THOC7: variants seen among roughly 807,000 people sequenced by gnomAD.
THOC7 encodes the protein THO complex subunit 7, also known as NIF3L1-binding protein 1.
THOC7 carries 22 observed loss-of-function variants against 33.1 expected under a neutral mutation model. That is an observed-to-expected ratio of 0.66 (90% CI 0.47 to 0.95). The LOEUF is 0.95. THOC7 is among the 40% of genes least tolerant of loss of function. The pLI is 0.00. For synonymous variants in THOC7, 77 were observed against 76.8 expected (o/e 1.00, Z -0.01); for missense variants, 184 against 245.3 (o/e 0.75, Z 1.67).
chr3:63,858,225 C>T (rs1702147420), intron 1 of THOC7, among the ~76,000 whole-genome samples: 1 of 152,136 alleles, frequency 6.6e-6, no homozygotes, highest in Non-Finnish European at 1.5e-5. Context: ...CTTCAAAGTG[C>T]TTTACATATA....
chr3:63,851,341 C>A (rs1702017626), intron 1 of THOC7, among the ~76,000 whole-genome samples: 1 of 152,316 alleles, frequency 6.6e-6, no homozygotes, highest in East Asian at 1.9e-4. Flanking sequence ...GTTTTGGTTA[C>A]ACTCTCACCT....
At chr3:63,835,293 G>A in intron 6 of THOC7, 31 bp downstream of exon 6, 13 of 1,612,808 alleles carry the variant, frequency 8.1e-6, no homozygotes, top group Non-Finnish European at 1.1e-5. Context: ...CAGATAGACA[G>A]ATCATGAAGG....
intron 1 of THOC7, among the ~76,000 whole-genome samples, chr3:63,849,084 T>C (rs536311514): frequency 1.3e-5 from 2 of 152,262 alleles, no homozygotes; most frequent in South Asian, 2.1e-4. Flanking sequence ...TATTTGAAAA[T>C]GTTCTTAGAA....
At chr3:63,850,270 G>C (rs912979672) in intron 1 of THOC7, among the ~76,000 whole-genome samples, 2 of 151,506 alleles carry the variant, frequency 1.3e-5, no homozygotes, top group African/African-American at 4.9e-5. Context: ...GTGTGATCTC[G>C]GCTCACTGCA....
chr3:63,845,097 C>T (rs1173790715), intron 1 of THOC7: 1 of 692,966 alleles, frequency 1.4e-6, no homozygotes, highest in South Asian at 1.5e-5. Flanking sequence ...TGCTAACCTT[C>T]TTTTCTGGGG....
chr3:63,835,002 A>G, intron 7 of THOC7, 152 bp downstream of exon 7: 1 of 668,726 alleles, frequency 1.5e-6, no homozygotes, highest in South Asian at 2.6e-5. Flanking sequence ...TATTCAAGAA[A>G]GTTGAACATG....
intron 1 of THOC7, among the ~76,000 whole-genome samples, chr3:63,841,262 T>C (rs1283006338): frequency 6.6e-6 from 1 of 152,224 alleles, no homozygotes; most frequent in East Asian, 1.9e-4. Flanking sequence ...AGACTATCCT[T>C]GGACAGATCC....
At chr3:63,837,047 G>GA (rs552047074) in intron 4 of THOC7, among the ~76,000 whole-genome samples, 53 of 145,516 alleles carry the variant, frequency 3.6e-4, no homozygotes, top group South Asian at 1.1e-3. Flanking sequence ...ATTTTAAACT[G>GA]AAAAAAAAAA....
At chr3:63,863,944 C>A, upstream of THOC7, 1 of 139,968 alleles carries the variant, frequency 7.1e-6, no homozygotes, top group Non-Finnish European at 1.3e-5. Flanking sequence ...CTGAGCCGCG[C>A]CGCGCCGCGC....
chr3:63,852,788 A>C (rs962331993), intron 1 of THOC7, among the ~76,000 whole-genome samples: 3 of 152,230 alleles, frequency 2.0e-5, no homozygotes, highest in African/African-American at 7.2e-5. Context: ...CAGGGAGGCT[A>C]GTTAGGAGGC....
rs1413826790 is a variant in THOC7 at position 63,839,636 on chromosome 3, C to A, written c.137+20G>T. On this transcript the variant is annotated intron_variant, in intron 2 of 7. Transcript: ENST00000295899. ...TCACATTAGGACACTGGTATGGAAACAACAGTGAAAATGAAATACCCCTCT... is the reference window on the plus strand; with the variant it reads ...TCACATTAGGACACTGGTATGGAAAAAACAGTGAAAATGAAATACCCCTCT... The A allele has an allele frequency of 1.3e-6, 2 of 1,594,464 alleles. No individual in the cohort carries two copies. Among genetic ancestry groups the A allele is most frequent in the Non-Finnish European group, 1.7e-6 (2 of 1,164,020 alleles).
rs1326958066 is a variant in THOC7, at chr3:63,834,030, A to G, written c.*102T>C. 1 of 1,140,024 alleles carries G rather than the reference A, an allele frequency of 8.8e-7. No individual in the cohort carries two copies. The highest frequency in any genetic ancestry group is 2.5e-5 in the East Asian group (1 of 39,906). The allele number at this position is 1,140,024 out of a possible 1,614,324, so 70.6% of individuals were successfully genotyped here. On this transcript the variant is annotated 3_prime_UTR_variant, in exon 8 of 8. Transcript: ENST00000295899. The stretch of plus-strand genomic sequence containing the variant: ...TTCATACTTAAAAACAGAGTATTTT[A>G]CTGCCAAAACTTTAAATATCTCAAG...
intron 4 of THOC7, among the ~76,000 whole-genome samples, chr3:63,836,858 C>T (rs182819723): frequency 6.6e-6 from 1 of 151,834 alleles, no homozygotes; most frequent in Non-Finnish European, 1.5e-5. Context: ...TCCACTGAGA[C>T]CTCCAAGATA....
chr3:63,863,510 G>C (rs1200463590), intron 1 of THOC7: 2 of 1,186,628 alleles, frequency 1.7e-6, no homozygotes, highest in African/African-American at 3.2e-5. Context: ...ACACCCTATA[G>C]CCCCGCGCTG....
intron 1 of THOC7, chr3:63,845,189 G>A: frequency 2.0e-6 from 1 of 489,160 alleles, no homozygotes; most frequent in Non-Finnish European, 3.7e-6. Flanking sequence ...AAGTATTTAA[G>A]CTCGCTGATA....
chr3:63,862,898 T>TCTC (rs1702260970), intron 1 of THOC7, among the ~76,000 whole-genome samples: 1 of 152,102 alleles, frequency 6.6e-6, no homozygotes, highest in African/African-American at 2.4e-5. Flanking sequence ...TCTCAGTCCA[T>TCTC]AGACCATCTC....
rs114349001 is a variant in THOC7 at position 63,847,865 on chromosome 3, G to C, written c.20-8092C>G. On this transcript the variant is annotated intron_variant, in intron 1 of 7. Coordinates refer to ENST00000295899, the MANE Select transcript of THOC7 (RefSeq NM_025075.4). The stretch of plus-strand genomic sequence containing the variant: ...TCTAAGCCCTCCAGCCAATTGAATG[G>C]ACACCCATTCAATAGGCCAAGGGCT... Among the ~76,000 whole-genome samples, 1,270 of 152,264 alleles carry C rather than the reference G, an allele frequency of 8.3e-3. 18 individuals are homozygous for C. Among genetic ancestry groups the C allele is most frequent in the African/African-American group, 0.027 (1,109 of 41,540 alleles).
intron 1 of THOC7, among the ~76,000 whole-genome samples, chr3:63,855,808 C>G (rs545135270): frequency 6.6e-6 from 1 of 152,316 alleles, no homozygotes; most frequent in South Asian, 2.1e-4. Context: ...ATCCTGTGAT[C>G]TACCAGTGAG....
At chr3:63,860,759 A>T (rs1161645658) in intron 1 of THOC7, 1 of 152,050 alleles carries the variant, frequency 6.6e-6, no homozygotes, top group Non-Finnish European at 1.5e-5. Context: ...AATCCGTTTA[A>T]TTTTTATATT....
Sources: allele counts gnomAD v4.1 joint callset (sites outside exome capture counted in the v4.1 genomes callset), GRCh38; gene constraint gnomAD v4.1.1; transcripts MANE v1.5; gene names NCBI Gene and HGNC (gene_info 2026-07-23, HGNC 2026-07-21).